The following TMEM150C variants were observed in gnomAD, a reference collection of about 807,000 sequenced individuals.
The protein encoded by TMEM150C is transmembrane protein 150C, also known as tentonin 3.
A neutral mutation model predicts 29.9 loss-of-function variants in TMEM150C; 10 were observed. The observed-to-expected ratio is 0.33, with a 90% CI of 0.21 to 0.57. The LOEUF is 0.57. Ranked by LOEUF, TMEM150C falls within the 20% of genes least tolerant of loss-of-function variation. The probability of loss-of-function intolerance (pLI) is 0.88; values close to 1 mark genes in which losing one functional copy is unlikely to be tolerated. For missense variants in TMEM150C, 251 were observed against 303.6 expected (o/e 0.83, Z 1.29); for synonymous variants, 101 against 112.5 (o/e 0.90, Z 0.64).
intron 1 of TMEM150C, among the ~76,000 whole-genome samples, chr4:82,511,023 TG>T (rs907720294): frequency 1.3e-5 from 2 of 152,220 alleles, no homozygotes; most frequent in Non-Finnish European, 2.9e-5. Context: ...TAAATCAGCC[TG>T]GGGAGATATG....
intron 1 of TMEM150C, among the ~76,000 whole-genome samples, chr4:82,537,192 A>G (rs182188292): frequency 0.011 from 1,622 of 152,148 alleles, 24 homozygotes; most frequent in African/African-American, 0.037. Flanking sequence ...TCACTGTGTT[A>G]GCCAGGATGG....
Position 82,541,277 on chromosome 4 carries a change from T to C in TMEM150C, c.-11+20629A>G, listed in dbSNP as rs1358645345. ...CCTGATTTGATTCAATCTCATAATA[T>C]GGGTAGATCATAGTTGTTCACATGT... On this transcript the variant is annotated intron_variant, in intron 1 of 7. Coordinates refer to ENST00000449862, the MANE Select transcript of TMEM150C (RefSeq NM_001080506.3). Among the ~76,000 whole-genome samples, 6 of 152,204 alleles carry C rather than the reference T, an allele frequency of 3.9e-5. No homozygotes were observed. In the South Asian group the frequency reaches 8.3e-4, roughly 21 times the overall value.
At chr4:82,487,229 A>C (rs1227580418) in intron 7 of TMEM150C, among the ~76,000 whole-genome samples, 1 of 151,684 alleles carries the variant, frequency 6.6e-6, no homozygotes, top group Non-Finnish European at 1.5e-5. Context: ...AGTGTGTATC[A>C]CTTGAGCCCA....
intron 1 of TMEM150C, among the ~76,000 whole-genome samples, chr4:82,523,426 C>T (rs1724551563): frequency 6.6e-6 from 1 of 152,136 alleles, no homozygotes; most frequent in Non-Finnish European, 1.5e-5. Flanking sequence ...TATGCAAATG[C>T]ATTGCCATGA....
intron 1 of TMEM150C, among the ~76,000 whole-genome samples, chr4:82,510,438 GT>G (rs1161029736): frequency 6.6e-6 from 1 of 152,156 alleles, no homozygotes; most frequent in Non-Finnish European, 1.5e-5. Context: ...GGTAGCTATA[GT>G]TCACAGACTC....
chr4:82,519,840 T>C (rs760619856), intron 1 of TMEM150C, among the ~76,000 whole-genome samples: 1 of 152,230 alleles, frequency 6.6e-6, no homozygotes, highest in Admixed American at 6.5e-5. Flanking sequence ...TATAATAATA[T>C]GCTGTAATAA....
At position 82,485,603 on chromosome 4, in the gene TMEM150C, A is replaced by G; in HGVS notation, c.658T>C (p.Tyr220His). ...TFAVEFRHYR[Y>H]EIVCSEYQEN... ...TGGTACTCAGAGCAAACAATCTCAT[A>G]GCGGTAATGCCGGAACTCCACGGCA... The change falls in exon 8 of 8, where the codon TAT becomes CAT. Residue 220 changes from tyrosine (Y) to histidine (H), a missense_variant. Coordinates refer to ENST00000449862, the MANE Select transcript of TMEM150C (RefSeq NM_001080506.3). 1 of 1,611,212 alleles carries G rather than the reference A, an allele frequency of 6.2e-7. No individual in the cohort carries two copies. Among genetic ancestry groups the G allele is most frequent in the Non-Finnish European group, 8.5e-7 (1 of 1,178,758 alleles).
chr4:82,518,597 G>A (rs775196103), intron 1 of TMEM150C, among the ~76,000 whole-genome samples: 10 of 152,312 alleles, frequency 6.6e-5, no homozygotes, highest in Non-Finnish European at 1.0e-4. Flanking sequence ...GTAGGGCAGG[G>A]CGGAGTTTGG....
Position 82,483,654 on chromosome 4 carries a change from T to G in TMEM150C, c.*1857A>C, listed in dbSNP as rs1049586568. On this transcript the variant is annotated 3_prime_UTR_variant, in exon 8 of 8. Coordinates refer to ENST00000449862, the MANE Select transcript of TMEM150C (RefSeq NM_001080506.3). ...TACTCTTAAATTATTAATAATTCTA[T>G]TCAACAGACATTTATTGAGCACCTA... 1.3e-5 allele frequency: 2 copies of G among 152,234 alleles called. No homozygotes were observed. The highest frequency in any genetic ancestry group is 4.8e-5 in the African/African-American group (2 of 41,458). 9.4% of individuals were successfully genotyped at this position (152,234 alleles called of 1,614,324 possible).
chr4:82,494,312 G>A (rs902742395), intron 6 of TMEM150C, among the ~76,000 whole-genome samples: 1 of 152,210 alleles, frequency 6.6e-6, no homozygotes, highest in African/African-American at 2.4e-5. Context: ...CTTGTCAAGA[G>A]CTGGGTAATG....
intron 6 of TMEM150C, chr4:82,491,480 A>T (rs1478592087): frequency 5.8e-6 from 4 of 688,996 alleles, no homozygotes; most frequent in Non-Finnish European, 5.2e-6. Context: ...TCACAAAGCG[A>T]GTGAGGTCAC....
At position 82,483,192 on chromosome 4, in the gene TMEM150C, T is replaced by A. The variant is rs1398617266; in HGVS notation, c.*2319A>T. 6.6e-6 allele frequency: 1 copy of A among 152,172 alleles called. No individual in the cohort carries two copies. 9.4% of individuals were successfully genotyped at this position (152,172 alleles called of 1,614,324 possible). On this transcript the variant is annotated 3_prime_UTR_variant, in exon 8 of 8. Coordinates refer to ENST00000449862, the MANE Select transcript of TMEM150C (RefSeq NM_001080506.3). ...AAATAACAATTATGCATAAAAGAATTTTATTTAGTGGCCAGATCCCAATGA... is the reference window on the plus strand; with the variant it reads ...AAATAACAATTATGCATAAAAGAATATTATTTAGTGGCCAGATCCCAATGA...
chr4:82,499,214 C>G (rs779372880), intron 5 of TMEM150C, among the ~76,000 whole-genome samples: 1 of 152,136 alleles, frequency 6.6e-6, no homozygotes, highest in Non-Finnish European at 1.5e-5. Context: ...AAAAGACTTA[C>G]GGGCCATTTC....
chr4:82,486,898 T>A (rs1369129688), intron 7 of TMEM150C, among the ~76,000 whole-genome samples: 1 of 152,152 alleles, frequency 6.6e-6, no homozygotes, highest in Non-Finnish European at 1.5e-5. Context: ...TCATAGCAGC[T>A]TTAGTGAAAG....
intron 1 of TMEM150C, among the ~76,000 whole-genome samples, chr4:82,554,490 T>TTTA (rs1311313337): frequency 3.9e-5 from 6 of 152,176 alleles, no homozygotes; most frequent in Non-Finnish European, 4.4e-5. Context: ...AAAAAATATA[T>TTTA]GTTAATTTTA....
At chr4:82,518,255 G>A (rs978083781) in intron 1 of TMEM150C, among the ~76,000 whole-genome samples, 4 of 151,970 alleles carry the variant, frequency 2.6e-5, no homozygotes, top group Non-Finnish European at 5.9e-5. Context: ...GGTGGAGCTT[G>A]AAGTGAGCCG....
intron 1 of TMEM150C, among the ~76,000 whole-genome samples, chr4:82,539,967 C>T (rs1237532829): frequency 1.3e-5 from 2 of 151,876 alleles, no homozygotes; most frequent in Non-Finnish European, 2.9e-5. Flanking sequence ...CCAAAGAATT[C>T]AATAGAAAAA....
chr4:82,508,125 A>G (rs914329008), intron 1 of TMEM150C, among the ~76,000 whole-genome samples: 18 of 152,040 alleles, frequency 1.2e-4, no homozygotes, highest in African/African-American at 4.3e-4. Context: ...AAACTGGCCC[A>G]TTGCTTCTAG....
chr4:82,505,404 G>C (rs1341365386), intron 1 of TMEM150C, among the ~76,000 whole-genome samples: 1 of 152,116 alleles, frequency 6.6e-6, no homozygotes, highest in Non-Finnish European at 1.5e-5. Context: ...TTTAAGAAAA[G>C]ACAAAAGAGT....
Sources: allele counts gnomAD v4.1 joint callset (sites outside exome capture counted in the v4.1 genomes callset), GRCh38; gene constraint gnomAD v4.1.1; transcripts MANE v1.5; gene names NCBI Gene and HGNC (gene_info 2026-07-23, HGNC 2026-07-21).